ZNF264: variants seen among roughly 807,000 people sequenced by gnomAD.
The protein encoded by ZNF264 is zinc finger protein 264.
A neutral mutation model predicts 11.2 loss-of-function variants in ZNF264; 11 were observed. That is an observed-to-expected ratio of 0.98 (90% CI 0.62 to 1.63). ZNF264 has a LOEUF of 1.63. Ranked by LOEUF, ZNF264 falls within the 40% of genes most tolerant of loss-of-function variation. ZNF264 has a pLI of 0.00. For synonymous variants in ZNF264, 309 were observed against 279.8 expected (o/e 1.10, Z -1.04); for missense variants, 752 against 768.1 (o/e 0.98, Z 0.25).
In ZNF264 at chr19:57,212,542, C is replaced by A. The variant is rs1057300200; in HGVS notation, c.1445C>A (p.Pro482His). The change falls in exon 4 of 4, where the codon CCC becomes CAC. Residue 482 changes from proline (P) to histidine (H), a missense_variant. Coordinates refer to ENST00000263095, the MANE Select transcript of ZNF264 (RefSeq NM_003417.5). ...TTCAGCATCCACACTGGAGAGAAGC[C>A]CTATGAGTGCGTGGAGTGTGGAAAG... ...RHFSIHTGEK[P>H]YECVECGKAF... The A allele has an allele frequency of 1.9e-6, 3 of 1,614,020 alleles. No individual in the cohort carries two copies. The highest frequency in any genetic ancestry group is 2.5e-6 in the Non-Finnish European group (3 of 1,180,030).
chr19:57,200,850 G>A (rs1481896042), intron 2 of ZNF264, among the ~76,000 whole-genome samples: 1 of 151,764 alleles, frequency 6.6e-6, no homozygotes, highest in Non-Finnish European at 1.5e-5. Flanking sequence ...GAGCTGAAGT[G>A]ATCCATCCGC....
At chr19:57,205,789 C>A (rs2087287816) in intron 3 of ZNF264, among the ~76,000 whole-genome samples, 1 of 152,168 alleles carries the variant, frequency 6.6e-6, no homozygotes, top group Non-Finnish European at 1.5e-5. Flanking sequence ...TTGCCAGTCA[C>A]CTGCTGTGTG....
At chr19:57,194,065 A>C in intron 2 of ZNF264, 64 bp downstream of exon 2, 2 of 1,536,078 alleles carry the variant, frequency 1.3e-6, no homozygotes, top group Admixed American at 2.1e-5. Context: ...CCATCTTCTG[A>C]CTCCAGGCCT....
intron 2 of ZNF264, among the ~76,000 whole-genome samples, chr19:57,204,286 A>C (rs1298800893): frequency 6.6e-6 from 1 of 151,382 alleles, no homozygotes; most frequent in Non-Finnish European, 1.5e-5. Context: ...CAGTGTTCTC[A>C]TTGGTGAGAT....
chr19:57,204,059 C>T (rs941908340), intron 2 of ZNF264, among the ~76,000 whole-genome samples: 8 of 152,036 alleles, frequency 5.3e-5, no homozygotes, highest in African/African-American at 1.9e-4. Context: ...TGGTGGCAGG[C>T]GCCTGTAGTC....
chr19:57,198,368 C>T (rs2087227545), intron 2 of ZNF264, among the ~76,000 whole-genome samples: 1 of 151,892 alleles, frequency 6.6e-6, no homozygotes, highest in Non-Finnish European at 1.5e-5. Flanking sequence ...CATTCAAGTC[C>T]TTGATGGTGG....
chr19:57,197,241 A>G (rs965985797), intron 2 of ZNF264, among the ~76,000 whole-genome samples: 3 of 151,752 alleles, frequency 2.0e-5, no homozygotes, highest in Admixed American at 2.0e-4. Context: ...CCAATCACAT[A>G]TATACCACTT....
At position 57,209,881 on chromosome 19, in the gene ZNF264, G is replaced by C. The variant is rs528564586; in HGVS notation, c.257-1473G>C. Among the ~76,000 whole-genome samples the C allele has an allele frequency of 3.9e-4, 59 of 152,094 alleles. No homozygotes were observed. In the South Asian group the frequency reaches 5.6e-3, roughly 14 times the overall value. On this transcript the variant is annotated intron_variant, in intron 3 of 3. Coordinates refer to ENST00000263095, the MANE Select transcript of ZNF264 (RefSeq NM_003417.5). ...CCAAAGCACTAGGATTACAGGCTTT[G>C]GGGGGCTGAGGTGAAAAGATGAGCA...
Position 57,212,889 on chromosome 19 carries a change from A to G in ZNF264, c.1792A>G (p.Thr598Ala), listed in dbSNP as rs1455373535. ...LLLGKDFLNVTTEANILPEET... is the reference protein window; with the variant it reads ...LLLGKDFLNVATEANILPEET... ...TTTAGGGAAGGACTTTTTGAATGTAACCACTGAGGCAAATATTTTGCCAGA... is the reference window on the plus strand; with the variant it reads ...TTTAGGGAAGGACTTTTTGAATGTAGCCACTGAGGCAAATATTTTGCCAGA... The change falls in exon 4 of 4, where the codon ACC (threonine) becomes GCC (alanine). Residue 598 changes from threonine (T) to alanine (A), a missense_variant. By Grantham distance (58) the Thr-to-Ala change is moderately conservative. Transcript: ENST00000263095. The G allele has an allele frequency of 1.9e-6, 3 of 1,614,024 alleles. No homozygotes were observed. The African/African-American group carries it at 4.0e-5, about 22-fold the overall frequency.
At chr19:57,205,636 C>G (rs568896861) in intron 3 of ZNF264, 144 bp downstream of exon 3, 2 of 754,820 alleles carry the variant, frequency 2.6e-6, no homozygotes, top group Admixed American at 4.6e-5. Context: ...CTAGAATGTT[C>G]CATTTGAGAG....
At chr19:57,195,059 C>A in intron 2 of ZNF264, 2 of 361,312 alleles carry the variant, frequency 5.5e-6, no homozygotes, top group Non-Finnish European at 9.9e-6. Context: ...GGCCAGGCAC[C>A]TAGCTGGACC....
chr19:57,194,179 A>G (rs2087195805), intron 2 of ZNF264, 178 bp downstream of exon 2: 3 of 848,966 alleles, frequency 3.5e-6, no homozygotes, highest in African/African-American at 3.5e-5. Flanking sequence ...TCTCTGGGCT[A>G]AAGACAGGGT....
At position 57,217,367 on chromosome 19, in the gene ZNF264, G is replaced by A. The variant is rs2087387234; in HGVS notation, c.*4386G>A. ...TTACCTACTAATGTAACTATCTTAA[G>A]TAATAGTAATTCCTCTTCAAAAATT... On this transcript the variant is annotated 3_prime_UTR_variant, in exon 4 of 4. Transcript: ENST00000263095. The A allele has an allele frequency of 6.6e-6, 1 of 152,052 alleles. No homozygotes were observed. Among genetic ancestry groups the A allele is most frequent in the African/African-American group, 2.4e-5 (1 of 41,404 alleles). 9.4% of individuals were successfully genotyped at this position (152,052 alleles called of 1,614,324 possible).
intron 2 of ZNF264, among the ~76,000 whole-genome samples, chr19:57,198,345 A>G (rs1417103656): frequency 6.6e-6 from 1 of 151,876 alleles, no homozygotes; most frequent in Non-Finnish European, 1.5e-5. Flanking sequence ...GGTGGGAATC[A>G]CCACCCCTGC....
At chr19:57,202,639 G>C (rs1216137805) in intron 2 of ZNF264, among the ~76,000 whole-genome samples, 1 of 151,884 alleles carries the variant, frequency 6.6e-6, no homozygotes, top group African/African-American at 2.4e-5. Context: ...TCACAGTTGA[G>C]TGAGCTTCCA....
chr19:57,208,949 T>A (rs2122759956), intron 3 of ZNF264, among the ~76,000 whole-genome samples: 1 of 152,366 alleles, frequency 6.6e-6, no homozygotes, highest in Non-Finnish European at 1.5e-5. Flanking sequence ...TGATTTTTGG[T>A]TGATTTATAT....
chr19:57,195,592 A>G (rs1279229939), intron 2 of ZNF264, among the ~76,000 whole-genome samples: 1 of 149,966 alleles, frequency 6.7e-6, no homozygotes, highest in Non-Finnish European at 1.5e-5. Context: ...GTAGCTTCCC[A>G]TTGACCTTAA....
At position 57,212,739 on chromosome 19, in the gene ZNF264, T is replaced by G; in HGVS notation, c.1642T>G (p.Phe548Val). The change falls in exon 4 of 4, where the codon TTC becomes GTC. Residue 548 changes from phenylalanine to valine, a missense_variant. Coordinates refer to ENST00000263095, the MANE Select transcript of ZNF264 (RefSeq NM_003417.5). ...PYKCSECGKAFSRSSSLTQHQ... is the reference protein window; with the variant it reads ...PYKCSECGKAVSRSSSLTQHQ... ...TAAATGTAGTGAATGTGGAAAGGCCTTCAGTCGCAGCTCGTCCCTCACTCA... is the reference window on the plus strand; with the variant it reads ...TAAATGTAGTGAATGTGGAAAGGCCGTCAGTCGCAGCTCGTCCCTCACTCA... 1 of 1,614,174 alleles carries G rather than the reference T, an allele frequency of 6.2e-7. No homozygotes were observed. The highest frequency in any genetic ancestry group is 8.5e-7 in the Non-Finnish European group (1 of 1,180,000).
At chr19:57,192,490 C>T (rs1254457962) in intron 1 of ZNF264, 1 of 985,252 alleles carries the variant, frequency 1.0e-6, no homozygotes, top group East Asian at 1.1e-4. Flanking sequence ...TCCTTGGCCG[C>T]TCGTGTTCCG....
Sources: allele counts gnomAD v4.1 joint callset (sites outside exome capture counted in the v4.1 genomes callset), GRCh38; gene constraint gnomAD v4.1.1; transcripts MANE v1.5; gene names NCBI Gene and HGNC (gene_info 2026-07-23, HGNC 2026-07-21).